Variants in ARL15 observed in about 807,000 individuals in gnomAD.
ARL15 encodes the protein ARF like GTPase 15.
ARL15 carries 19 observed loss-of-function variants against 25.2 expected under a neutral mutation model. That is an observed-to-expected ratio of 0.75 (90% confidence interval 0.53 to 1.10). The LOEUF (loss-of-function observed/expected upper bound fraction) is 1.10. Ranked by LOEUF, ARL15 falls within the 50% of genes least tolerant of loss-of-function variation. The probability of loss-of-function intolerance (pLI) is 0.00; values close to 1 mark genes in which losing one functional copy is unlikely to be tolerated. For synonymous variants in ARL15, 94 were observed against 86.8 expected, an observed-to-expected ratio of 1.08 and a Z score of -0.46; for missense variants, 220 against 246.0, an observed-to-expected ratio of 0.89 and a Z score of 0.71.
At chr5:54,006,410 A>G (rs1749045330) in intron 4 of ARL15, among the ~76,000 whole-genome samples, 1 of 150,302 alleles carries the variant, frequency 6.7e-6, no homozygotes, top group Non-Finnish European at 1.5e-5. Flanking sequence ...GTGTAAATAC[A>G]TATGCACAAC....
In ARL15 at chr5:54,105,321, T is replaced by G. The variant is rs531661716; in HGVS notation, c.462+7881A>C. The stretch of plus-strand genomic sequence containing the variant: ...TGAATGAGGATTAATGAAATGCTAA[T>G]TTTTATAAAATATAATATTAACATA... On this transcript the variant is annotated intron_variant, in intron 4 of 4. Coordinates refer to ENST00000504924, the MANE Select transcript of ARL15 (RefSeq NM_019087.3). 7.6e-4 allele frequency among the ~76,000 whole-genome samples: 115 copies of G among 152,074 alleles called. 2 individuals are homozygous for G. The South Asian group carries it at 0.024, about 31-fold the overall frequency.
chr5:53,906,487 G>A (rs1412068419), intron 4 of ARL15, among the ~76,000 whole-genome samples: 1 of 152,128 alleles, frequency 6.6e-6, no homozygotes, highest in African/African-American at 2.4e-5. Context: ...ATAATGGGGG[G>A]AAGTTCTGCA....
rs200695064 is a variant in ARL15, at chr5:54,264,823, TC to T, written c.48+45608del. On this transcript the variant is annotated intron_variant, in intron 1 of 4. Coordinates refer to ENST00000504924, the MANE Select transcript of ARL15 (RefSeq NM_019087.3). ...CCACCTATTTCATAATGCAACTTCC[TC>T]CTATATACTCACAACCCCTTTATCA... Among the ~76,000 whole-genome samples the T allele has an allele frequency of 7.6e-3, 1,165 of 152,290 alleles. 10 individuals carry two copies. Among genetic ancestry groups the T allele is most frequent in the African/African-American group, 0.026 (1,101 of 41,564 alleles).
At chr5:54,207,858 C>A (rs530844802) in intron 1 of ARL15, among the ~76,000 whole-genome samples, 30 of 152,210 alleles carry the variant, frequency 2.0e-4, no homozygotes, top group Non-Finnish European at 3.8e-4. Context: ...AGTTCTAGAT[C>A]CTCTCTCCGA....
At chr5:53,971,588 C>T (rs922571579) in intron 4 of ARL15, among the ~76,000 whole-genome samples, 1 of 144,912 alleles carries the variant, frequency 6.9e-6, no homozygotes, top group African/African-American at 2.6e-5. Context: ...GGCATCCACA[C>T]ACAAACACCA....
At chr5:54,302,075 C>T (rs1758628938) in intron 1 of ARL15, among the ~76,000 whole-genome samples, 1 of 152,136 alleles carries the variant, frequency 6.6e-6, no homozygotes, top group African/African-American at 2.4e-5. Context: ...AGCAGACTCC[C>T]GCCTCAAACA....
intron 4 of ARL15, among the ~76,000 whole-genome samples, chr5:54,044,848 A>T (rs1035391179): frequency 6.6e-6 from 1 of 152,184 alleles, no homozygotes; most frequent in African/African-American, 2.4e-5. Flanking sequence ...ATTCCTTTTG[A>T]CAAAATTTTA....
chr5:54,138,891 A>T (rs1241332069), intron 3 of ARL15, among the ~76,000 whole-genome samples: 8 of 152,238 alleles, frequency 5.3e-5, no homozygotes, highest in Admixed American at 5.2e-4. Context: ...GAAGATATAC[A>T]AATGGTCAAC....
chr5:54,273,969 A>T (rs955975359), intron 1 of ARL15, among the ~76,000 whole-genome samples: 1 of 152,186 alleles, frequency 6.6e-6, no homozygotes, highest in Admixed American at 6.5e-5. Context: ...AAGGCTCTAG[A>T]GTTCAAAGGA....
intron 4 of ARL15, among the ~76,000 whole-genome samples, chr5:54,051,824 A>T (rs1750708898): frequency 6.6e-6 from 1 of 152,236 alleles, no homozygotes; most frequent in Non-Finnish European, 1.5e-5. Flanking sequence ...TTACGTTCAC[A>T]CAAAGCCTAT....
chr5:53,959,123 G>C (rs1477308064), intron 4 of ARL15, among the ~76,000 whole-genome samples: 1 of 152,168 alleles, frequency 6.6e-6, no homozygotes, highest in African/African-American at 2.4e-5. Flanking sequence ...TCAAGTGCAT[G>C]TGGCACATTC....
chr5:54,277,527 G>A (rs1459155453), intron 1 of ARL15, among the ~76,000 whole-genome samples: 3 of 152,240 alleles, frequency 2.0e-5, no homozygotes, highest in East Asian at 1.9e-4. Context: ...CGAGGCGGGC[G>A]GATCACGAGG....
At chr5:53,942,410 ATG>A (rs1746566359) in intron 4 of ARL15, among the ~76,000 whole-genome samples, 2 of 152,188 alleles carry the variant, frequency 1.3e-5, no homozygotes, top group African/African-American at 4.8e-5. Context: ...AGAGATTTAA[ATG>A]TAGGACTCAT....
intron 1 of ARL15, among the ~76,000 whole-genome samples, chr5:54,250,684 C>A (rs1757215999): frequency 6.6e-6 from 1 of 152,012 alleles, no homozygotes; most frequent in South Asian, 2.1e-4. Flanking sequence ...AAAAAAAACA[C>A]CAAGAGCTGG....
At chr5:53,930,121 A>G (rs1303228730) in intron 4 of ARL15, among the ~76,000 whole-genome samples, 1 of 152,224 alleles carries the variant, frequency 6.6e-6, no homozygotes, top group Non-Finnish European at 1.5e-5. Flanking sequence ...TTTATACAAT[A>G]ATAAAAAATA....
intron 1 of ARL15, among the ~76,000 whole-genome samples, chr5:54,275,954 A>G (rs1312035688): frequency 6.6e-6 from 1 of 151,612 alleles, no homozygotes; most frequent in Non-Finnish European, 1.5e-5. Context: ...CGGCCTCCCA[A>G]AGAGAGACAG....
intron 3 of ARL15, among the ~76,000 whole-genome samples, chr5:54,119,613 T>C (rs887038144): frequency 2.0e-4 from 30 of 152,218 alleles, no homozygotes; most frequent in African/African-American, 6.0e-4. Context: ...TTAGCATTTA[T>C]AGTTCTCCAT....
intron 4 of ARL15, among the ~76,000 whole-genome samples, chr5:53,913,190 C>G (rs1311552374): frequency 2.0e-5 from 3 of 152,156 alleles, no homozygotes; most frequent in Non-Finnish European, 2.9e-5. Context: ...GGAGTCTCAG[C>G]TACTTGGGAG....
At chr5:53,989,878 G>C (rs976188815) in intron 4 of ARL15, among the ~76,000 whole-genome samples, 1 of 152,146 alleles carries the variant, frequency 6.6e-6, no homozygotes, top group South Asian at 2.1e-4. Flanking sequence ...GCACTTTGTT[G>C]TGTAAGACTA....
Sources: allele counts gnomAD v4.1 joint callset (sites outside exome capture counted in the v4.1 genomes callset), GRCh38; gene constraint gnomAD v4.1.1; transcripts MANE v1.5; gene names NCBI Gene and HGNC (gene_info 2026-07-23, HGNC 2026-07-21).